Variants in HECTD4 observed in about 807,000 individuals in gnomAD.
HECTD4 encodes the protein probable E3 ubiquitin-protein ligase HECTD4.
In HECTD4, 114 loss-of-function variants were observed where a neutral mutation model predicts 471.5. That is an observed-to-expected ratio of 0.24 (90% CI 0.21 to 0.28). The LOEUF (loss-of-function observed/expected upper bound fraction) is 0.28, where lower values mean the gene tolerates loss of function less well. Ranked by LOEUF, HECTD4 falls within the 10% of genes least tolerant of loss-of-function variation. The pLI is 1.00. For synonymous variants in HECTD4, 2,012 were observed against 2,256.0 expected (o/e 0.89, Z 3.07); for missense variants, 3,866 against 5,651.5 (o/e 0.68, Z 10.13).
chr12:112,179,065 G>A lies in HECTD4; in HGVS notation c.11229C>T (p.Gly3743=), dbSNP rs190706443. The change falls in exon 64 of 76, where the codon GGC becomes GGT. Residue 3743 remains glycine (G), a synonymous_variant. Coordinates refer to ENST00000682272, the MANE Select transcript of HECTD4 (RefSeq NM_001388303.1). The surrounding 1 kb of genome is among the most constrained non-coding windows in gnomAD (Gnocchi z 4.3). ...TCTTGTCAAACTTGGGCTTTGGCAC[G>A]CCATACTTCCTCAGGATCTGTGGAG... The part of the protein sequence containing the change: ...DQLTQILRKY[G]VPKPKFDKSK... 474 of 1,613,956 alleles carry A rather than the reference G, an allele frequency of 2.9e-4. No individual in the cohort carries two copies. The highest frequency in any genetic ancestry group is 3.2e-4 in the Non-Finnish European group (379 of 1,179,900).
chr12:112,277,503 C>T (rs1186279516), intron 9 of HECTD4, among the ~76,000 whole-genome samples: 1 of 152,204 alleles, frequency 6.6e-6, no homozygotes, highest in Non-Finnish European at 1.5e-5. Flanking sequence ...CATCACTTCA[C>T]CTGTCTGAGC....
intron 7 of HECTD4, among the ~76,000 whole-genome samples, chr12:112,286,627 G>A (rs1211463376): frequency 2.0e-5 from 3 of 152,054 alleles, no homozygotes; most frequent in Non-Finnish European, 2.9e-5. Flanking sequence ...AGGAAGGGAA[G>A]GCTGCAGTGA....
intron 61 of HECTD4, among the ~76,000 whole-genome samples, chr12:112,183,524 G>A (rs1352354282): frequency 6.6e-6 from 1 of 152,156 alleles, no homozygotes; most frequent in African/African-American, 2.4e-5. Flanking sequence ...TGATTCCCAG[G>A]GAGGAAAAAT....
At position 112,282,798 on chromosome 12, in the gene HECTD4, G is replaced by C. The variant is rs535619318; in HGVS notation, c.1528+312C>G. Among the ~76,000 whole-genome samples, 13 of 152,340 alleles carry C rather than the reference G, an allele frequency of 8.5e-5. No homozygotes were observed. In the South Asian group the frequency reaches 2.5e-3, roughly 29 times the overall value. ...CTGTATTTAGGGAAGATGATGCTAA[G>C]TATCAGGTTTTCTCATTCACAAAGC... is the stretch of plus-strand genomic sequence containing the variant. On this transcript the variant is annotated intron_variant, in intron 8 of 75. Transcript: ENST00000682272.
intron 13 of HECTD4, among the ~76,000 whole-genome samples, chr12:112,269,453 T>G (rs185520826): frequency 6.6e-6 from 1 of 151,780 alleles, no homozygotes; most frequent in Non-Finnish European, 1.5e-5. Context: ...ACTTAAAGGG[T>G]TGGTTTTGTT....
At chr12:112,276,620 G>C (rs1167111879) in intron 9 of HECTD4, among the ~76,000 whole-genome samples, 2 of 152,028 alleles carry the variant, frequency 1.3e-5, no homozygotes, top group African/African-American at 4.8e-5. Flanking sequence ...GCTAATTTTT[G>C]TATTTTAGTA....
chr12:112,339,452 A>G (rs2036017113), intron 1 of HECTD4, among the ~76,000 whole-genome samples: 1 of 152,032 alleles, frequency 6.6e-6, no homozygotes, highest in South Asian at 2.1e-4. Context: ...CAAAAGAAAA[A>G]CAAAATTCAG....
intron 29 of HECTD4, among the ~76,000 whole-genome samples, chr12:112,244,562 G>GTTTA (rs1429170651): frequency 1.3e-5 from 2 of 152,032 alleles, no homozygotes; most frequent in Non-Finnish European, 2.9e-5. Context: ...GTAGAGACGG[G>GTTTA]GTTTCGCCAT....
chr12:112,206,139 C>T (rs2032573672), intron 52 of HECTD4, among the ~76,000 whole-genome samples: 1 of 152,108 alleles, frequency 6.6e-6, no homozygotes, highest in African/African-American at 2.4e-5. Context: ...GCAAAATGGG[C>T]ACAATTCCTC....
chr12:112,221,902 T>C (rs987559896), intron 44 of HECTD4, among the ~76,000 whole-genome samples: 2 of 150,068 alleles, frequency 1.3e-5, no homozygotes, highest in African/African-American at 4.9e-5. Context: ...TTACAGGCAC[T>C]CGCCCCCATG....
chr12:112,178,907 G>A (rs759362518), intron 64 of HECTD4, 24 bp downstream of exon 64: 10 of 1,591,668 alleles, frequency 6.3e-6, no homozygotes, highest in African/African-American at 2.7e-5. Flanking sequence ...AGGCTGGGCT[G>A]CCCAGGCTCC....
At position 112,170,433 on chromosome 12, in the gene HECTD4, C is replaced by T. The variant is rs764640007; in HGVS notation, c.11952G>A (p.Thr3984=). 1.4e-5 allele frequency: 23 copies of T among 1,613,930 alleles called. No individual in the cohort carries two copies. In the Middle Eastern group the frequency reaches 4.9e-4, roughly 35 times the overall value. Residue 3984 remains threonine, a synonymous_variant, in exon 69 of 76, where the codon ACG becomes ACA. Transcript: ENST00000682272. The stretch of plus-strand genomic sequence containing the variant: ...GCACTCGATTCATCACGGTCACCTT[C>T]GTGTCATAGAAGATCAGCCCTAAGG... ...KEAKGLIFYD[T]KVTVMNRVLN...
Position 112,228,195 on chromosome 12 carries a change from G to C in HECTD4, c.6748C>G (p.Leu2250Val). 1 of 1,613,942 alleles carries C rather than the reference G, an allele frequency of 6.2e-7. No homozygotes were observed. The highest frequency in any genetic ancestry group is 8.5e-7 in the Non-Finnish European group (1 of 1,179,860). Residue 2250 changes from leucine to valine, a missense_variant, in exon 43 of 76, where the codon CTT (leucine) becomes GTT (valine). By Grantham distance (32) the Leu-to-Val change is conservative. This residue lies in a region of HECTD4 where 617 missense variants were observed against 915.1 expected (regional missense o/e 0.67). Transcript: ENST00000682272. This position sits in a 1 kb window ranked among gnomAD's most constrained non-coding sequence, Gnocchi z 4.9. ...KVVQAVQSML[L>V]PQEGSLSIHT... ...ATAGAGAGACTTCCCTCCTGAGGAA[G>C]CAACATGGACTGGACTGCCTGTACT...
chr12:112,183,013 T>C (rs2031733034), intron 62 of HECTD4, 46 bp downstream of exon 62: 1 of 1,402,198 alleles, frequency 7.1e-7, no homozygotes, highest in Non-Finnish European at 1.0e-6. Flanking sequence ...GAGCCTAAAA[T>C]TGCTCCACAA....
intron 34 of HECTD4, among the ~76,000 whole-genome samples, chr12:112,238,143 C>T (rs545066164): frequency 1.3e-5 from 2 of 152,170 alleles, no homozygotes; most frequent in South Asian, 2.1e-4. Flanking sequence ...TAAAATGCAT[C>T]GTGAACAAAT....
At chr12:112,260,143 C>T (rs559093636) in intron 18 of HECTD4, among the ~76,000 whole-genome samples, 2 of 152,250 alleles carry the variant, frequency 1.3e-5, no homozygotes, top group African/African-American at 2.4e-5. Context: ...CCCCAGCCCC[C>T]GGCAACCACC....
intron 1 of HECTD4, among the ~76,000 whole-genome samples, chr12:112,363,915 G>A (rs895786477): frequency 4.8e-5 from 7 of 146,222 alleles, no homozygotes; most frequent in Non-Finnish European, 7.4e-5. Flanking sequence ...GGTAGAGGTT[G>A]CAGTGAGCAG....
At position 112,283,120 on chromosome 12, in the gene HECTD4, C is replaced by T; in HGVS notation, c.1518G>A (p.Glu506=). The T allele has an allele frequency of 1.2e-6, 2 of 1,612,282 alleles. No homozygotes were observed. Among genetic ancestry groups the T allele is most frequent in the Non-Finnish European group, 1.7e-6 (2 of 1,179,132 alleles). ...CACAGAGTAACATACCTGCTTGATC[C>T]TCTTTCAGTGTGTTGGAGATGGTGG... ...TGSTISNTLK[E]DQAANTSCGL... Residue 506 remains glutamate (E), a synonymous_variant, in exon 8 of 76, where the codon GAG becomes GAA. Coordinates refer to ENST00000682272, the MANE Select transcript of HECTD4 (RefSeq NM_001388303.1).
intron 18 of HECTD4, among the ~76,000 whole-genome samples, chr12:112,260,454 T>C (rs912911245): frequency 7.2e-5 from 11 of 152,256 alleles, no homozygotes; most frequent in African/African-American, 2.6e-4. Context: ...ACCAAGTCCA[T>C]AGGAACAGAC....
Sources: allele counts gnomAD v4.1 joint callset (sites outside exome capture counted in the v4.1 genomes callset), GRCh38; gene constraint gnomAD v4.1.1; regional missense constraint gnomAD v4.1.1; non-coding constraint Gnocchi (gnomAD v3.1); transcripts MANE v1.5; gene names NCBI Gene and HGNC (gene_info 2026-07-23, HGNC 2026-07-21).